INTU: variants seen among roughly 807,000 people sequenced by gnomAD.
INTU encodes the protein protein inturned.
A neutral mutation model predicts 100.5 loss-of-function variants in INTU; 68 were observed. The ratio of observed to expected loss-of-function variants is 0.68; its 90% confidence interval spans 0.56 to 0.83. The LOEUF (loss-of-function observed/expected upper bound fraction) is 0.83, where lower values mean the gene tolerates loss of function less well. INTU is among the 40% of genes least tolerant of loss of function. The pLI is 0.00. For missense variants in INTU, 1,071 were observed against 1,114.7 expected, an observed-to-expected ratio of 0.96 and a Z score of 0.56; for synonymous variants, 357 against 395.7, an observed-to-expected ratio of 0.90 and a Z score of 1.16.
chr4:127,650,411 C>T (rs1230259732), intron 2 of INTU, among the ~76,000 whole-genome samples: 1 of 136,694 alleles, frequency 7.3e-6, no homozygotes, highest in Non-Finnish European at 1.5e-5. Context: ...GTGTGATGTT[C>T]CCCTTCCTGT....
Position 127,724,450 on chromosome 4 carries a change from C to G in INTU, c.*8014C>G, listed in dbSNP as rs1488482882. 6.6e-6 allele frequency: 1 copy of G among 151,408 alleles called. No individual in the cohort carries two copies. The highest frequency in any genetic ancestry group is 1.5e-5 in the Non-Finnish European group (1 of 67,860). The allele number at this position is 151,408 out of a possible 1,614,324, so 9.4% of individuals were successfully genotyped here. A position where few individuals can be genotyped will look rare whatever the true frequency, so the allele number is the denominator to read the frequency against. ...AAAAAAAAAAAATACTAACTTTTAT[C>G]TTAGAAATATAGATCATTATGCATT... On this transcript the variant is annotated 3_prime_UTR_variant, in exon 16 of 16. Transcript: ENST00000335251.
intron 7 of INTU, chr4:127,687,477 G>A (rs1729876728): frequency 2.6e-6 from 1 of 384,706 alleles, no homozygotes; most frequent in Admixed American, 4.0e-5. Flanking sequence ...CTTGAGAGTA[G>A]GTTTTAGGGT....
intron 1 of INTU, among the ~76,000 whole-genome samples, chr4:127,642,422 TAATAG>T (rs1179381239): frequency 3.3e-5 from 5 of 152,158 alleles, no homozygotes; most frequent in Non-Finnish European, 1.5e-5. Context: ...TTGAGTTGAG[TAATAG>T]AATAGTATAT....
intron 2 of INTU, among the ~76,000 whole-genome samples, chr4:127,653,135 G>C (rs1273069266): frequency 2.0e-5 from 3 of 148,342 alleles, no homozygotes; most frequent in Non-Finnish European, 4.5e-5. Context: ...AGTCTTGCTA[G>C]TGGTCTATCA....
intron 3 of INTU, among the ~76,000 whole-genome samples, chr4:127,657,569 T>C (rs1728291246): frequency 6.6e-6 from 1 of 152,118 alleles, no homozygotes; most frequent in African/African-American, 2.4e-5. Flanking sequence ...TATTTACAGC[T>C]GCTCCCCATC....
At chr4:127,668,460 A>T (rs1728787298) in intron 4 of INTU, among the ~76,000 whole-genome samples, 1 of 151,894 alleles carries the variant, frequency 6.6e-6, no homozygotes, top group Non-Finnish European at 1.5e-5. Flanking sequence ...AGATTTTATA[A>T]TATCGTGACA....
At chr4:127,668,146 T>C (rs547464691) in intron 4 of INTU, among the ~76,000 whole-genome samples, 2 of 152,042 alleles carry the variant, frequency 1.3e-5, no homozygotes, top group Non-Finnish European at 2.9e-5. Flanking sequence ...CTGCTTTTAA[T>C]TTTCCTTGTG....
intron 11 of INTU, 85 bp downstream of exon 11, chr4:127,705,897 G>A (rs1317582685): frequency 2.2e-6 from 2 of 908,704 alleles, no homozygotes; most frequent in East Asian, 2.4e-5. Context: ...GGATGCAGCG[G>A]TAGGTAGGTA....
At chr4:127,682,039 C>G (rs1270224208) in intron 6 of INTU, among the ~76,000 whole-genome samples, 1 of 143,270 alleles carries the variant, frequency 7.0e-6, no homozygotes, top group African/African-American at 3.0e-5. Flanking sequence ...AAATGCAAAT[C>G]AAAACCACAA....
intron 12 of INTU, among the ~76,000 whole-genome samples, chr4:127,707,392 CAAAAAAAAAAAAAAAA>C (rs71587331): frequency 2.2e-5 from 1 of 44,584 alleles, no homozygotes; most frequent in Non-Finnish European, 3.8e-5. Context: ...GACTCTGTCT[CAAAAAAAAAAAAAAAA>C]AAAAAAAAAG....
chr4:127,661,507 C>A (rs936762102), intron 3 of INTU, among the ~76,000 whole-genome samples: 1 of 152,140 alleles, frequency 6.6e-6, no homozygotes, highest in Non-Finnish European at 1.5e-5. Flanking sequence ...CTCATAGACA[C>A]TCCAGCTTCA....
At chr4:127,696,944 A>G (rs1250076328) in intron 8 of INTU, among the ~76,000 whole-genome samples, 7 of 152,226 alleles carry the variant, frequency 4.6e-5, no homozygotes, top group Non-Finnish European at 5.9e-5. Context: ...AGACATGAGA[A>G]TAAATTATTA....
intron 2 of INTU, among the ~76,000 whole-genome samples, chr4:127,654,843 A>G (rs1486254225): frequency 1.4e-5 from 2 of 145,004 alleles, no homozygotes; most frequent in Admixed American, 1.4e-4. Context: ...CATTCTCCCC[A>G]TCACTTTCAG....
intron 5 of INTU, among the ~76,000 whole-genome samples, chr4:127,671,101 AAAATAGATAAGTAGGTCTTAATT>A (rs934408422): frequency 6.6e-6 from 1 of 152,158 alleles, no homozygotes; most frequent in African/African-American, 2.4e-5. Flanking sequence ...ACAAAACCAA[AAAATAGATAAGTAGGTCTTAATT>A]AAACTGAAAA....
chr4:127,674,251 A>G, intron 6 of INTU, 38 bp downstream of exon 6: 1 of 1,422,936 alleles, frequency 7.0e-7, no homozygotes, highest in Non-Finnish European at 9.8e-7. Flanking sequence ...ATCATTTCCA[A>G]ATAATGTTAA....
rs1016366942 is a variant in INTU, at chr4:127,675,076, A to G, written c.1181+863A>G. 8.6e-4 allele frequency among the ~76,000 whole-genome samples: 131 copies of G among 152,340 alleles called. 1 individual carries two copies. The highest frequency in any genetic ancestry group is 3.0e-3 in the African/African-American group (126 of 41,582). ...CCCTAAAGAGATAGACTTAACTACT[A>G]TTATAATAGTGTTATGTTCCTGTTC... On this transcript the variant is annotated intron_variant, in intron 6 of 15. Coordinates refer to ENST00000335251, the MANE Select transcript of INTU (RefSeq NM_015693.4).
intron 1 of INTU, among the ~76,000 whole-genome samples, chr4:127,637,854 C>G (rs528504223): frequency 6.6e-6 from 1 of 152,236 alleles, no homozygotes; most frequent in South Asian, 2.1e-4. Flanking sequence ...AATGAAGTCA[C>G]TATTAGATGT....
At chr4:127,693,950 A>G (rs1359687050) in intron 8 of INTU, among the ~76,000 whole-genome samples, 1 of 152,076 alleles carries the variant, frequency 6.6e-6, no homozygotes, top group South Asian at 2.1e-4. Context: ...TATCTTTTTG[A>G]TATGCTATTG....
At chr4:127,680,581 A>G (rs1292823288) in intron 6 of INTU, among the ~76,000 whole-genome samples, 1 of 104,330 alleles carries the variant, frequency 9.6e-6, no homozygotes, top group Non-Finnish European at 2.0e-5. Context: ...CTCTCAATAA[A>G]TTAGGTATTG....
Sources: allele counts gnomAD v4.1 joint callset (sites outside exome capture counted in the v4.1 genomes callset), GRCh38; gene constraint gnomAD v4.1.1; transcripts MANE v1.5; gene names NCBI Gene and HGNC (gene_info 2026-07-23, HGNC 2026-07-21).